Variants in PRPF8 observed in about 807,000 individuals in gnomAD.
PRPF8 encodes the protein pre-mRNA processing factor 8, also known as pre-mRNA-processing-splicing factor 8.
A neutral mutation model predicts 285.9 loss-of-function variants in PRPF8; 64 were observed. The observed-to-expected ratio is 0.22, with a 90% CI of 0.18 to 0.28. The LOEUF (loss-of-function observed/expected upper bound fraction) is 0.28, where lower values mean the gene tolerates loss of function less well. Among genes scored for constraint, PRPF8 ranks in the 10% least tolerant of loss-of-function variants. The pLI is 1.00. For synonymous variants in PRPF8, 1,325 were observed against 1,118.2 expected (o/e 1.18, Z -3.69); for missense variants, 1,426 against 3,026.7 (o/e 0.47, Z 12.41).
rs79544115 is a variant in PRPF8, at chr17:1,680,231, C to T, written c.1099-432G>A. 7.0e-4 allele frequency among the ~76,000 whole-genome samples: 106 copies of T among 152,252 alleles called. 2 individuals carry two copies. In the East Asian group the frequency reaches 0.019, roughly 27 times the overall value. On this transcript the variant is annotated intron_variant, in intron 8 of 42. Coordinates refer to ENST00000304992, the MANE Select transcript of PRPF8 (RefSeq NM_006445.4). Reference sequence around the variant, plus strand: ...CTATCATATGAAATGTGTAGAATAGCCAAATCTATAGACAGAAAGTAGATT... The same window carrying T: ...CTATCATATGAAATGTGTAGAATAGTCAAATCTATAGACAGAAAGTAGATT...
rs1178689655 is a variant in PRPF8 at position 1,681,496 on chromosome 17, A to G, written c.848T>C (p.Val283Ala). The G allele has an allele frequency of 6.2e-7, 1 of 1,601,272 alleles. No individual in the cohort carries two copies. Among genetic ancestry groups the G allele is most frequent in the African/African-American group, 1.3e-5 (1 of 74,772 alleles). The change falls in exon 6 of 43, where the codon GTT becomes GCT. Residue 283 changes from valine to alanine, a missense_variant. By Grantham distance (64) the Val-to-Ala change is moderately conservative. This residue lies in a region of PRPF8 where 157 missense variants were observed against 159.6 expected (regional missense o/e 0.98). Transcript: ENST00000304992. The part of the protein sequence containing the change: ...IPGGPKFEPL[V>A]RDINLQDEDW... ...AACTCACTGTAGGTTGATGTCTCGA[A>G]CAAGAGGTTCAAATTTGGGGCCTCC... is the stretch of plus-strand genomic sequence containing the variant.
chr17:1,681,010 A>T lies in PRPF8; in HGVS notation c.911T>A (p.Ile304Asn). ...NEFNDINKIIIRQPIRTEYKI... is the reference protein window; with the variant it reads ...NEFNDINKIINRQPIRTEYKI... ...GTACTCAGTGCGGATAGGCTGCCGGATGATAATCTTGTTAATATCATTGAA... is the reference window on the plus strand; with the variant it reads ...GTACTCAGTGCGGATAGGCTGCCGGTTGATAATCTTGTTAATATCATTGAA... Residue 304 changes from isoleucine (I) to asparagine (N), a missense_variant, in exon 7 of 43, where the codon ATC becomes AAC. By Grantham distance (149) the Ile-to-Asn change is moderately radical. Transcript: ENST00000304992. 6.2e-7 allele frequency: 1 copy of T among 1,613,338 alleles called. No homozygotes were observed. Among genetic ancestry groups the T allele is most frequent in the Non-Finnish European group, 8.5e-7 (1 of 1,179,358 alleles).
At chr17:1,677,339 A>T in intron 14 of PRPF8, 167 bp from the exon 15 acceptor site, 3 of 962,392 alleles carry the variant, frequency 3.1e-6, no homozygotes, top group Non-Finnish European at 4.8e-6. Flanking sequence ...AAACATTCAC[A>T]ACTATGCTTC....
intron 24 of PRPF8, among the ~76,000 whole-genome samples, chr17:1,665,626 G>A (rs986775843): frequency 1.3e-5 from 2 of 151,968 alleles, no homozygotes; most frequent in Admixed American, 6.6e-5. Flanking sequence ...GGTGGATCAC[G>A]AGGTCAAGAG....
At position 1,679,622 on chromosome 17, in the gene PRPF8, G is replaced by A; in HGVS notation, c.1276C>T (p.Leu426Phe). 6.2e-7 allele frequency: 1 copy of A among 1,613,658 alleles called. No individual in the cohort carries two copies. Among genetic ancestry groups the A allele is most frequent in the Non-Finnish European group, 8.5e-7 (1 of 1,180,002 alleles). ...GRTRRALDIP[L>F]VKNWYREHCP... is the part of the protein sequence containing the mutation. ...GAAAAACCTTACCAGTTCTTGACAA[G>A]GGGTATGTCCAGGGCCCGACGGGTG... Residue 426 changes from leucine (L) to phenylalanine (F), a missense_variant, in exon 9 of 43, where the codon CTT becomes TTT. Around this residue, in one of 34 missense-constraint regions of PRPF8, gnomAD observed 137 missense variants for 161.2 expected, o/e 0.85. Coordinates refer to ENST00000304992, the MANE Select transcript of PRPF8 (RefSeq NM_006445.4). This position sits in a 1 kb window ranked among gnomAD's most constrained non-coding sequence, Gnocchi z 4.7.
intron 1 of PRPF8, 71 bp from the exon 2 acceptor site, chr17:1,684,653 G>T: frequency 7.0e-7 from 1 of 1,420,430 alleles, no homozygotes; most frequent in African/African-American, 1.4e-5. Context: ...GCAGAAAGGC[G>T]TCCGGGGACC....
At chr17:1,683,476 C>G in intron 3 of PRPF8, 57 bp downstream of exon 3, 8 of 1,579,826 alleles carry the variant, frequency 5.1e-6, no homozygotes, top group Non-Finnish European at 7.0e-6. Context: ...GACTGTGGGA[C>G]AGGGAGAAGG....
In PRPF8 at chr17:1,651,420, G is replaced by T. The variant is rs1292736502; in HGVS notation, c.6644C>A (p.Thr2215Lys). 6.2e-7 allele frequency: 1 copy of T among 1,614,180 alleles called. No individual in the cohort carries two copies. The highest frequency in any genetic ancestry group is 8.5e-7 in the Non-Finnish European group (1 of 1,180,028). ...CCAAGGAGCCCAGGCCCACCTGCAT[G>T]TGATGATAATGGTCTTCTCGCCATC... ...SWDGEKTIIITCSFTPGSCTL... is the reference protein window; with the variant it reads ...SWDGEKTIIIKCSFTPGSCTL... Residue 2215 changes from threonine to lysine, a missense_variant, in exon 41 of 43, where the codon ACA (threonine) becomes AAA (lysine). This residue lies in a region of PRPF8 where 160 missense variants were observed against 373.7 expected (regional missense o/e 0.43). Coordinates refer to ENST00000304992, the MANE Select transcript of PRPF8 (RefSeq NM_006445.4). This position sits in a 1 kb window ranked among gnomAD's most constrained non-coding sequence, Gnocchi z 5.1.
chr17:1,682,113 T>TC lies in PRPF8; in HGVS notation c.434+15_434+16insG, dbSNP rs777485535. The TC allele has an allele frequency of 1.2e-6, 2 of 1,613,412 alleles. No individual in the cohort carries two copies. Among genetic ancestry groups the TC allele is most frequent in the Non-Finnish European group, 1.7e-6 (2 of 1,179,686 alleles). ...ACCACCACCACCACCACCCACCATA[T>TC]TTCAGCCTTTCTCACCCCCACTGGG... is the stretch of plus-strand genomic sequence containing the variant. On this transcript the variant is annotated intron_variant, in intron 4 of 42. Transcript: ENST00000304992.
In PRPF8 at chr17:1,676,379, T is replaced by G. The variant is rs527866689; in HGVS notation, c.2389-9A>C. 1 of 1,614,028 alleles carries G rather than the reference T, an allele frequency of 6.2e-7. No individual in the cohort carries two copies. The highest frequency in any genetic ancestry group is 8.5e-7 in the Non-Finnish European group (1 of 1,179,998). Reference sequence around the variant, plus strand: ...GTGATGTAAGGCCCGTCCTGTAAGGTGGACATGAAATTAGCCTCCCGCTAC... The same window carrying G: ...GTGATGTAAGGCCCGTCCTGTAAGGGGGACATGAAATTAGCCTCCCGCTAC... On this transcript the variant is annotated splice_polypyrimidine_tract_variant and intron_variant, in intron 16 of 42. Coordinates refer to ENST00000304992, the MANE Select transcript of PRPF8 (RefSeq NM_006445.4). This position sits in a 1 kb window ranked among gnomAD's most constrained non-coding sequence, Gnocchi z 6.3.
At position 1,656,782 on chromosome 17, in the gene PRPF8, A is replaced by C. The variant is rs1198297401; in HGVS notation, c.5506-21T>G. ...GCCAACTTAAAAGCAAGAGAGAAGA[A>C]AATGGAAATTTAGTCTCTACCCTCC... is the stretch of plus-strand genomic sequence containing the variant. On this transcript the variant is annotated intron_variant, in intron 34 of 42. Coordinates refer to ENST00000304992, the MANE Select transcript of PRPF8 (RefSeq NM_006445.4). 1.9e-6 allele frequency: 3 copies of C among 1,607,598 alleles called. No individual in the cohort carries two copies. In the South Asian group the frequency reaches 3.3e-5, roughly 18 times the overall value.
intron 13 of PRPF8, 175 bp downstream of exon 13, chr17:1,678,343 C>G (rs936409735): frequency 4.0e-6 from 3 of 748,120 alleles, no homozygotes; most frequent in Non-Finnish European, 6.6e-6. Flanking sequence ...AATTGCCAGG[C>G]GTGGTGGCGG....
rs758937794 is a variant in PRPF8, at chr17:1,655,394, C to G, written c.5943G>C (p.Val1981=). The change falls in exon 37 of 43, where the codon GTG becomes GTC. Residue 1981 remains valine, a synonymous_variant. Coordinates refer to ENST00000304992, the MANE Select transcript of PRPF8 (RefSeq NM_006445.4). ...CAGCCAAGATCAGATCCTTGAGCTG[C>G]ACCTCGACCTTGATCCATTCTTCGT... ...LTDEEWIKVE[V]QLKDLILADY... is the part of the protein sequence containing the mutation. The G allele has an allele frequency of 3.5e-5, 57 of 1,613,810 alleles. No individual in the cohort carries two copies. The highest frequency in any genetic ancestry group is 4.7e-5 in the Non-Finnish European group (56 of 1,180,042).
At chr17:1,668,609 G>A (rs11869451) in intron 24 of PRPF8, among the ~76,000 whole-genome samples, 27,824 of 151,574 alleles carry the variant, frequency 0.18, 5,356 homozygotes, top group African/African-American at 0.49. Context: ...TGATCCACCC[G>A]CCTCGGCCTC....
intron 24 of PRPF8, among the ~76,000 whole-genome samples, chr17:1,663,238 A>G (rs1911773198): frequency 6.6e-6 from 1 of 152,162 alleles, no homozygotes; most frequent in African/African-American, 2.4e-5. Flanking sequence ...AAAAGTGGAG[A>G]TAAAGTCACA....
In PRPF8 at chr17:1,681,897, C is replaced by T. The variant is rs1376037815; in HGVS notation, c.576G>A (p.Gln192=). ...ILDVEPLEAI[Q]LELDPEEDAP... ...CGTCCTCCTCAGGGTCCAGCTCTAGCTGAATGGCCTCCAGTGGCTCAACAT... is the reference window on the plus strand; with the variant it reads ...CGTCCTCCTCAGGGTCCAGCTCTAGTTGAATGGCCTCCAGTGGCTCAACAT... The change falls in exon 5 of 43, where the codon CAG becomes CAA. Residue 192 remains glutamine, a synonymous_variant. Transcript: ENST00000304992. 6.2e-7 allele frequency: 1 copy of T among 1,613,950 alleles called. No individual in the cohort carries two copies. Among genetic ancestry groups the T allele is most frequent in the Admixed American group, 1.7e-5 (1 of 59,974 alleles).
chr17:1,653,339 CAATT>C lies in PRPF8; in HGVS notation c.6369+199_6369+202del. ...TCCAAATACTATCAGGCCAATACTA[CAATT>C]ACTACCTTCTCTCAGCTGCCACAGC... is the stretch of plus-strand genomic sequence containing the variant. On this transcript the variant is annotated intron_variant, in intron 39 of 42. Coordinates refer to ENST00000304992, the MANE Select transcript of PRPF8 (RefSeq NM_006445.4). The surrounding 1 kb of genome is among the most constrained non-coding windows in gnomAD (Gnocchi z 4.9). 1 of 686,180 alleles carries C rather than the reference CAATT, an allele frequency of 1.5e-6. No homozygotes were observed. Among genetic ancestry groups the C allele is most frequent in the Non-Finnish European group, 2.6e-6 (1 of 390,376 alleles). 42.5% of individuals were successfully genotyped at this position (686,180 alleles called of 1,614,324 possible).
At position 1,673,573 on chromosome 17, in the gene PRPF8, C is replaced by T; in HGVS notation, c.3447-6G>A. 6.2e-7 allele frequency: 1 copy of T among 1,614,032 alleles called. No individual in the cohort carries two copies. The highest frequency in any genetic ancestry group is 8.5e-7 in the Non-Finnish European group (1 of 1,180,028). ...CCCAGAATACCGCCCGGCCTCTGCCCACAGAGAACACATGGTCACAGCAGT... is the reference window on the plus strand; with the variant it reads ...CCCAGAATACCGCCCGGCCTCTGCCTACAGAGAACACATGGTCACAGCAGT... On this transcript the variant is annotated splice_polypyrimidine_tract_variant and splice_region_variant and intron_variant, in intron 22 of 42. Transcript: ENST00000304992. This position sits in a 1 kb window ranked among gnomAD's most constrained non-coding sequence, Gnocchi z 5.5.
rs1341091008 is a variant in PRPF8, at chr17:1,679,892, G to C, written c.1099-93C>G. ...TTCTCTGGGGCCAAGCACAAAGCCTGTATCTGCTATGGAAACTGGGCTGTC... is the reference window on the plus strand; with the variant it reads ...TTCTCTGGGGCCAAGCACAAAGCCTCTATCTGCTATGGAAACTGGGCTGTC... On this transcript the variant is annotated intron_variant, in intron 8 of 42. Coordinates refer to ENST00000304992, the MANE Select transcript of PRPF8 (RefSeq NM_006445.4). The surrounding 1 kb of genome is among the most constrained non-coding windows in gnomAD (Gnocchi z 4.7). 6.9e-7 allele frequency: 1 copy of C among 1,439,656 alleles called. No homozygotes were observed. The highest frequency in any genetic ancestry group is 1.1e-5 in the South Asian group (1 of 87,548). 89.2% of individuals were successfully genotyped at this position (1,439,656 alleles called of 1,614,324 possible). A position where few individuals can be genotyped will look rare whatever the true frequency, so the allele number is the denominator to read the frequency against.
Sources: allele counts gnomAD v4.1 joint callset (sites outside exome capture counted in the v4.1 genomes callset), GRCh38; gene constraint gnomAD v4.1.1; regional missense constraint gnomAD v4.1.1; non-coding constraint Gnocchi (gnomAD v3.1); transcripts MANE v1.5; gene names NCBI Gene and HGNC (gene_info 2026-07-23, HGNC 2026-07-21).